BOLL: variants seen among roughly 807,000 people sequenced by gnomAD.
BOLL encodes protein boule-like.
A neutral mutation model predicts 44.4 loss-of-function variants in BOLL; 23 were observed. That is an observed-to-expected ratio of 0.52 (90% CI 0.37 to 0.73). The LOEUF is 0.73. Ranked by LOEUF, BOLL falls within the 30% of genes least tolerant of loss-of-function variation. The pLI is 0.00. For synonymous variants in BOLL, 97 were observed against 110.8 expected (o/e 0.88, Z 0.78); for missense variants, 287 against 338.3 (o/e 0.85, Z 1.19).
At chr2:197,740,941 T>A (rs1304277148) in intron 10 of BOLL, among the ~76,000 whole-genome samples, 2 of 152,176 alleles carry the variant, frequency 1.3e-5, no homozygotes, top group Non-Finnish European at 2.9e-5. Context: ...TTCTTTTGGC[T>A]TAGGATTGAC....
At position 197,778,502 on chromosome 2, in the gene BOLL, A is replaced by G. The variant is rs531272435; in HGVS notation, c.221+473T>C. On this transcript the variant is annotated intron_variant, in intron 3 of 10. Transcript: ENST00000392296. ...CTTCTCAATTTTCATTATCATTGATATAGCAATTAAAAATCATTCTCACTA... is the reference window on the plus strand; with the variant it reads ...CTTCTCAATTTTCATTATCATTGATGTAGCAATTAAAAATCATTCTCACTA... Among the ~76,000 whole-genome samples, 18 of 152,008 alleles carry G rather than the reference A, an allele frequency of 1.2e-4. No homozygotes were observed. In the East Asian group the frequency reaches 3.3e-3, roughly 28 times the overall value.
chr2:197,729,099 C>G (rs1395720647), intron 10 of BOLL, among the ~76,000 whole-genome samples: 3 of 152,068 alleles, frequency 2.0e-5, no homozygotes, highest in South Asian at 2.1e-4. Flanking sequence ...AGACAGTGGG[C>G]GCAGGTCAGT....
chr2:197,762,266 C>T (rs1688794210), intron 7 of BOLL, among the ~76,000 whole-genome samples: 1 of 152,138 alleles, frequency 6.6e-6, no homozygotes, highest in Non-Finnish European at 1.5e-5. Flanking sequence ...ATTGCTTGAA[C>T]CTGGGAGGCG....
At chr2:197,779,195 C>T (rs1433881624) in intron 2 of BOLL, 129 bp from the exon 3 acceptor site, 2 of 641,650 alleles carry the variant, frequency 3.1e-6, no homozygotes, top group East Asian at 5.6e-5. Context: ...ATCATCAAAA[C>T]AGTGCATAAA....
At chr2:197,774,319 T>C (rs1200795052) in intron 5 of BOLL, 1 of 162,596 alleles carries the variant, frequency 6.2e-6, no homozygotes, top group Non-Finnish European at 1.4e-5. Flanking sequence ...AATTCCAGTA[T>C]GCTGCAGTGG....
intron 10 of BOLL, among the ~76,000 whole-genome samples, chr2:197,731,218 G>T: frequency 1.3e-5 from 2 of 151,728 alleles, no homozygotes; most frequent in East Asian, 1.9e-4. Context: ...AGACAAAGAA[G>T]GCCATTACAT....
At chr2:197,775,168 A>G (rs1375841537) in intron 5 of BOLL, among the ~76,000 whole-genome samples, 1 of 151,866 alleles carries the variant, frequency 6.6e-6, no homozygotes, top group Admixed American at 6.6e-5. Context: ...GTAGATACAT[A>G]ATTTAGCCAA....
At chr2:197,729,346 G>A (rs1031027002) in intron 10 of BOLL, among the ~76,000 whole-genome samples, 2 of 152,192 alleles carry the variant, frequency 1.3e-5, no homozygotes, top group Admixed American at 6.5e-5. Context: ...TGCTAGCACA[G>A]CAGTCTGAGC....
At chr2:197,783,788 T>C (rs1400052934) in intron 1 of BOLL, among the ~76,000 whole-genome samples, 1 of 152,238 alleles carries the variant, frequency 6.6e-6, no homozygotes, top group Non-Finnish European at 1.5e-5. Flanking sequence ...ATGGATTTTG[T>C]ATTGCTAGAG....
intron 6 of BOLL, among the ~76,000 whole-genome samples, chr2:197,767,835 A>G (rs1689064203): frequency 6.6e-6 from 1 of 151,998 alleles, no homozygotes; most frequent in Non-Finnish European, 1.5e-5. Context: ...GTGTCTATAT[A>G]TGTATGTATA....
intron 7 of BOLL, among the ~76,000 whole-genome samples, chr2:197,762,965 C>T (rs1278343256): frequency 1.3e-5 from 2 of 151,650 alleles, no homozygotes; most frequent in Non-Finnish European, 2.9e-5. Flanking sequence ...AAGATAAAAT[C>T]GACAAACCAT....
chr2:197,780,945 G>A (rs1028481158), intron 2 of BOLL, among the ~76,000 whole-genome samples: 12 of 151,940 alleles, frequency 7.9e-5, no homozygotes, highest in African/African-American at 2.9e-4. Context: ...TATGTGGGCT[G>A]GGGGGCACTG....
intron 7 of BOLL, among the ~76,000 whole-genome samples, chr2:197,761,675 A>G (rs1688764257): frequency 6.6e-6 from 1 of 152,218 alleles, no homozygotes; most frequent in South Asian, 2.1e-4. Flanking sequence ...TATATTAAAA[A>G]AAGAGACCCA....
intron 6 of BOLL, among the ~76,000 whole-genome samples, chr2:197,770,247 AG>A (rs1316489757): frequency 2.6e-5 from 4 of 152,346 alleles, no homozygotes; most frequent in Middle Eastern, 3.4e-3. Flanking sequence ...AAATGGGGAA[AG>A]GATTCCCTAT....
intron 3 of BOLL, among the ~76,000 whole-genome samples, chr2:197,777,529 A>G (rs1015916624): frequency 1.3e-5 from 2 of 151,936 alleles, no homozygotes; most frequent in Admixed American, 6.6e-5. Flanking sequence ...AATTTCTTAT[A>G]TTGGTGAATG....
At chr2:197,735,143 G>GATCACAAT (rs1687425055) in intron 10 of BOLL, among the ~76,000 whole-genome samples, 1 of 151,882 alleles carries the variant, frequency 6.6e-6, no homozygotes, top group Non-Finnish European at 1.5e-5. Context: ...TAAGATCAAG[G>GATCACAAT]GGAAATGTGA....
intron 6 of BOLL, among the ~76,000 whole-genome samples, chr2:197,767,045 A>G (rs772167477): frequency 3.3e-5 from 5 of 152,026 alleles, no homozygotes; most frequent in Admixed American, 6.6e-5. Context: ...CAAATAATCA[A>G]TGTTCTATTC....
At chr2:197,765,442 C>T (rs1197273651) in intron 7 of BOLL, among the ~76,000 whole-genome samples, 1 of 151,632 alleles carries the variant, frequency 6.6e-6, no homozygotes, top group Non-Finnish European at 1.5e-5. Context: ...CTATAGTTAA[C>T]AATAATACAT....
chr2:197,771,649 GT>G (rs1689267932), intron 6 of BOLL, among the ~76,000 whole-genome samples: 1 of 151,966 alleles, frequency 6.6e-6, no homozygotes, highest in African/African-American at 2.4e-5. Context: ...GGAAGTGGGG[GT>G]AAGGAGAATT....
Sources: allele counts gnomAD v4.1 joint callset (sites outside exome capture counted in the v4.1 genomes callset), GRCh38; gene constraint gnomAD v4.1.1; transcripts MANE v1.5; gene names NCBI Gene and HGNC (gene_info 2026-07-23, HGNC 2026-07-21).